Variants in RNF128 observed in about 807,000 individuals in gnomAD.
RNF128 encodes the protein E3 ubiquitin-protein ligase RNF128.
RNF128 carries 13 observed loss-of-function variants against 26.2 expected under a neutral mutation model. That is an observed-to-expected ratio of 0.50 (90% CI 0.32 to 0.79). The LOEUF (loss-of-function observed/expected upper bound fraction) is 0.79. RNF128 is among the 30% of genes least tolerant of loss of function. The probability of loss-of-function intolerance (pLI) is 0.03; values close to 1 mark genes in which losing one functional copy is unlikely to be tolerated. For synonymous variants in RNF128, 149 were observed against 142.5 expected, an observed-to-expected ratio of 1.05 and a Z score of -0.32; for missense variants, 315 against 349.7, an observed-to-expected ratio of 0.90 and a Z score of 0.79.
chrX:106,743,768 A>G (rs1252508974), intron 1 of RNF128, among the ~76,000 whole-genome samples: 11 of 111,829 alleles, frequency 9.8e-5, no homozygotes, highest in Admixed American at 9.5e-4. Context: ...TACCCAAAGG[A>G]TTATAAATCA....
intron 1 of RNF128, among the ~76,000 whole-genome samples, chrX:106,738,505 G>A (rs1245205000): frequency 9.0e-6 from 1 of 111,720 alleles, no homozygotes; most frequent in Non-Finnish European, 1.9e-5. Flanking sequence ...GAAAAATGCA[G>A]GAAGAAATCA....
intron 2 of RNF128, among the ~76,000 whole-genome samples, chrX:106,781,748 TG>T (rs1342620814): frequency 8.9e-6 from 1 of 112,457 alleles, no homozygotes; most frequent in African/African-American, 3.2e-5. Context: ...ATTCTAAGGC[TG>T]CTTTGTTAAA....
intron 1 of RNF128, among the ~76,000 whole-genome samples, chrX:106,751,773 G>A (rs1352723009): frequency 9.1e-6 from 1 of 110,366 alleles, no homozygotes; most frequent in Non-Finnish European, 1.9e-5. Context: ...CCCTGGGCCA[G>A]AAGGGAACCC....
chrX:106,772,587 A>C (rs1159577914), intron 1 of RNF128, among the ~76,000 whole-genome samples: 2 of 111,377 alleles, frequency 1.8e-5, no homozygotes, highest in African/African-American at 3.3e-5. Context: ...ATTTGTCTTT[A>C]AGCAAGCCTT....
chrX:106,754,410 C>CT (rs150895665), intron 1 of RNF128, among the ~76,000 whole-genome samples: 1,479 of 35,747 alleles, frequency 0.041, 186 homozygotes, highest in Middle Eastern at 0.079. Flanking sequence ...TTTTCTTTCT[C>CT]TTTTTTTTTT....
intron 1 of RNF128, among the ~76,000 whole-genome samples, chrX:106,719,959 A>C (rs1341682572): frequency 9.1e-6 from 1 of 110,486 alleles, no homozygotes; most frequent in Non-Finnish European, 1.9e-5. Flanking sequence ...TTCCTATCCC[A>C]CTTTCCCCAA....
intron 1 of RNF128, among the ~76,000 whole-genome samples, chrX:106,698,152 A>G (rs1260745762): frequency 9.5e-6 from 1 of 105,401 alleles, no homozygotes; most frequent in Non-Finnish European, 1.9e-5. Flanking sequence ...TTCAAGCAGA[A>G]GACGCGTAAC....
chrX:106,775,219 G>A (rs980255237), intron 2 of RNF128, among the ~76,000 whole-genome samples: 1 of 111,882 alleles, frequency 8.9e-6, no homozygotes, highest in Non-Finnish European at 1.9e-5. Flanking sequence ...TATCTGCGAG[G>A]CTGGAAGGAA....
chrX:106,694,872 G>A (rs1025830078), intron 1 of RNF128, among the ~76,000 whole-genome samples: 4 of 111,505 alleles, frequency 3.6e-5, no homozygotes, highest in South Asian at 3.7e-4. Flanking sequence ...ATAGAAATGA[G>A]AACTTGACTC....
intron 2 of RNF128, among the ~76,000 whole-genome samples, chrX:106,777,056 C>T (rs751148814): frequency 3.6e-5 from 4 of 111,561 alleles, no homozygotes; most frequent in East Asian, 2.8e-4. Context: ...GTGACATTTC[C>T]GGATTTTTTT....
chrX:106,791,326 T>C, intron 6 of RNF128, 92 bp downstream of exon 6: 1 of 876,459 alleles, frequency 1.1e-6, no homozygotes, highest in Non-Finnish European at 1.6e-6. Context: ...GTTTGTTCCA[T>C]TCAGCCATTA....
Position 106,726,955 on chromosome X carries a change from C to T in RNF128, c.42C>T (p.Gly14=). ...PPGAGVSCRG[G]CGFSRLLAWC... is the part of the protein sequence containing the mutation. ...GGGCCGGGGTCTCCTGCCGCGGTGG[C>T]TGCGGCTTTTCCAGATTGCTGGCAT... The change falls in exon 1 of 7, where the codon GGC becomes GGT. Residue 14 remains glycine (G), a synonymous_variant. Coordinates refer to ENST00000255499, the MANE Select transcript of RNF128 (RefSeq NM_194463.2). The T allele has an allele frequency of 1.7e-6, 2 of 1,187,580 alleles. No homozygotes were observed. The highest frequency in any genetic ancestry group is 1.9e-5 in the South Asian group (1 of 53,952).
At chrX:106,702,566 T>C (rs758669244) in intron 1 of RNF128, among the ~76,000 whole-genome samples, 1 of 111,717 alleles carries the variant, frequency 9.0e-6, no homozygotes, top group East Asian at 2.8e-4. Flanking sequence ...CAGCTACCTC[T>C]CTTCCTTCAT....
In RNF128 at chrX:106,766,193, T is replaced by C. The variant is rs1427653055; in HGVS notation, c.485-6720T>C. ...ATAAACATACGTGTGCATGTGTCTT[T>C]ATAGCAGCATGATTTATAATCCTTT... On this transcript the variant is annotated intron_variant, in intron 1 of 6. Coordinates refer to ENST00000255499, the MANE Select transcript of RNF128 (RefSeq NM_194463.2). Among the ~76,000 whole-genome samples the C allele has an allele frequency of 3.6e-5, 4 of 112,121 alleles. No homozygotes were observed. The Admixed American group carries it at 3.8e-4, about 11-fold the overall frequency.
intron 4 of RNF128, among the ~76,000 whole-genome samples, chrX:106,788,357 C>CTATATATAATATATATTATATAT (rs1569445276): frequency 2.9e-5 from 1 of 34,293 alleles, no homozygotes; most frequent in Non-Finnish European, 4.6e-5. Context: ...ATATTATATA[C>CTATATATAATATATATTATATAT]TATATATAAT....
At chrX:106,701,697 G>T (rs1430485236) in intron 1 of RNF128, among the ~76,000 whole-genome samples, 1 of 111,755 alleles carries the variant, frequency 8.9e-6, no homozygotes, top group Non-Finnish European at 1.9e-5. Flanking sequence ...CGAGTTGAGT[G>T]TCAAGTTGTA....
intron 2 of RNF128, among the ~76,000 whole-genome samples, chrX:106,783,882 G>A (rs773774111): frequency 3.6e-5 from 4 of 110,305 alleles, no homozygotes; most frequent in African/African-American, 1.3e-4. Context: ...AACAACCAGC[G>A]GGAACTGAGA....
At chrX:106,709,861 T>C (rs1054064932) in intron 1 of RNF128, among the ~76,000 whole-genome samples, 1 of 111,865 alleles carries the variant, frequency 8.9e-6, no homozygotes, top group Non-Finnish European at 1.9e-5. Context: ...TAACTTCTTA[T>C]GGGAATATTT....
chrX:106,750,144 C>A (rs1208735434), intron 1 of RNF128, among the ~76,000 whole-genome samples: 1 of 111,595 alleles, frequency 9.0e-6, no homozygotes, highest in African/African-American at 3.3e-5. Context: ...CAGTTGTACA[C>A]ATTTCATCCC....
Sources: allele counts gnomAD v4.1 joint callset (sites outside exome capture counted in the v4.1 genomes callset), GRCh38; gene constraint gnomAD v4.1.1; transcripts MANE v1.5; gene names NCBI Gene and HGNC (gene_info 2026-07-23, HGNC 2026-07-21).